GYS1: variants seen among roughly 807,000 people sequenced by gnomAD.
GYS1 encodes glycogen [starch] synthase, muscle.
In GYS1, 60 loss-of-function variants were observed where a neutral mutation model predicts 89.1. The ratio of observed to expected loss-of-function variants is 0.67; its 90% CI spans 0.55 to 0.84. The LOEUF (loss-of-function observed/expected upper bound fraction) is 0.84, where lower values mean the gene tolerates loss of function less well. GYS1 is among the 40% of genes least tolerant of loss of function. The pLI is 0.00. For synonymous variants in GYS1, 366 were observed against 401.7 expected, an observed-to-expected ratio of 0.91 and a Z score of 1.06; for missense variants, 888 against 1,003.1, an observed-to-expected ratio of 0.89 and a Z score of 1.55.
intron 10 of GYS1, among the ~76,000 whole-genome samples, 180 bp downstream of exon 10, chr19:48,977,744 G>A (rs2038680175): frequency 6.6e-6 from 1 of 152,142 alleles, no homozygotes; most frequent in Non-Finnish European, 1.5e-5. Context: ...CTCGCCTCCA[G>A]CAACTGAAGT....
Position 48,981,991 on chromosome 19 carries a change from C to T in GYS1, c.1062+264G>A, listed in dbSNP as rs540576907. 1.6e-4 allele frequency among the ~76,000 whole-genome samples: 24 copies of T among 152,082 alleles called. 1 individual carries two copies. Among genetic ancestry groups the T allele is most frequent in the Non-Finnish European group, 2.9e-4 (20 of 68,024 alleles). On this transcript the variant is annotated intron_variant, in intron 7 of 15. Transcript: ENST00000323798. ...CACTGCAACCTCCACCTCCCGGGCT[C>T]GCGTGATCCTCCCCGTTCACCCTCC...
chr19:48,983,399 C>G (rs1159100847), intron 5 of GYS1, among the ~76,000 whole-genome samples: 2 of 152,164 alleles, frequency 1.3e-5, no homozygotes, highest in Admixed American at 6.5e-5. Context: ...CTGCAAATGG[C>G]TAACAGGGAT....
chr19:48,992,217 C>A (rs1050493668), intron 1 of GYS1, among the ~76,000 whole-genome samples: 3 of 152,114 alleles, frequency 2.0e-5, no homozygotes, highest in East Asian at 3.9e-4. Context: ...AGCAAAGCAA[C>A]CCCCCAGACC....
chr19:48,983,559 T>G (rs1285106805), intron 5 of GYS1, among the ~76,000 whole-genome samples: 3 of 152,200 alleles, frequency 2.0e-5, no homozygotes, highest in African/African-American at 7.2e-5. Context: ...CCCAATCATT[T>G]CTTCTCCTCA....
chr19:48,976,125 G>A (rs993363743), intron 10 of GYS1, among the ~76,000 whole-genome samples: 5 of 151,836 alleles, frequency 3.3e-5, no homozygotes, highest in Admixed American at 3.3e-4. Context: ...CTGAGTCTAG[G>A]GGCCCGAGAA....
chr19:48,982,508 TC>T, intron 6 of GYS1, 133 bp from the exon 7 acceptor site: 1 of 995,328 alleles, frequency 1.0e-6, no homozygotes, highest in Non-Finnish European at 1.6e-6. Flanking sequence ...TCACGGGGCC[TC>T]CTGGGAGTTG....
intron 4 of GYS1, 117 bp downstream of exon 4, chr19:48,985,732 TG>T: frequency 1.3e-6 from 2 of 1,497,222 alleles, no homozygotes; most frequent in Non-Finnish European, 9.3e-7. Flanking sequence ...AGGAGGGGTC[TG>T]GGGACTTGGA....
At chr19:48,987,518 A>G (rs888180775) in intron 2 of GYS1, 133 bp from the exon 3 acceptor site, 135 of 641,454 alleles carry the variant, frequency 2.1e-4, no homozygotes, top group African/African-American at 2.0e-3. Context: ...TTCTGTTTCC[A>G]TATCTGCTGC....
chr19:48,978,386 C>T (rs1003977820), intron 8 of GYS1, among the ~76,000 whole-genome samples: 83 of 151,596 alleles, frequency 5.5e-4, no homozygotes, highest in African/African-American at 1.9e-3. Context: ...CCACCGCGCC[C>T]GGCTAATTTT....
In GYS1 at chr19:48,970,680, T is replaced by G; in HGVS notation, c.1675A>C (p.Ser559Arg). 6.2e-7 allele frequency: 1 copy of G among 1,613,970 alleles called. No homozygotes were observed. Among genetic ancestry groups the G allele is most frequent in the Non-Finnish European group, 8.5e-7 (1 of 1,179,988 alleles). Residue 559 changes from serine (S) to arginine (R), a missense_variant, in exon 14 of 16, where the codon AGC (serine) becomes CGC (arginine). Coordinates refer to ENST00000323798, the MANE Select transcript of GYS1 (RefSeq NM_002103.5). ...AGCTGCGAGCAGGAATCATCCAGGC[T>G]GCGGAACCGCCGGTCAAGAATGTAG... ...GIYILDRRFR[S>R]LDDSCSQLTS... is the part of the protein sequence containing the mutation.
At chr19:48,981,475 C>T (rs1305817573) in intron 8 of GYS1, 55 bp downstream of exon 8, 2 of 940,992 alleles carry the variant, frequency 2.1e-6, no homozygotes, top group Non-Finnish European at 3.5e-6. Context: ...ACACAGGACC[C>T]AAAGCATGCA....
chr19:48,979,393 T>C (rs1026624651), intron 8 of GYS1, among the ~76,000 whole-genome samples: 1 of 134,938 alleles, frequency 7.4e-6, no homozygotes, highest in Non-Finnish European at 1.6e-5. Context: ...AGAGTCTTGC[T>C]CTGTCGCCCA....
In GYS1 at chr19:48,969,322, C is replaced by T; in HGVS notation, c.2180G>A (p.Ser727Asn). Residue 727 changes from serine (S) to asparagine (N), a missense_variant, in exon 16 of 16, where the codon AGC becomes AAC. Coordinates refer to ENST00000323798, the MANE Select transcript of GYS1 (RefSeq NM_002103.5). ...SSLSTPSEPL[S>N]PTSSLGEERN ...CTCCTCGCCCAGGGAGCTGGTGGGG[C>T]TGAGGGGCTCGCTCGGGGTGCTGAG... 1 of 1,581,602 alleles carries T rather than the reference C, an allele frequency of 6.3e-7. No individual in the cohort carries two copies.
chr19:48,982,208 A>G (rs2038775225), intron 7 of GYS1, 47 bp downstream of exon 7: 2 of 1,605,282 alleles, frequency 1.2e-6, no homozygotes, highest in Non-Finnish European at 1.7e-6. Flanking sequence ...CCCTAGTTAT[A>G]AACTGCTTTG....
chr19:48,970,825 C>T, intron 13 of GYS1, 103 bp downstream of exon 13: 1 of 1,378,438 alleles, frequency 7.3e-7, no homozygotes, highest in Non-Finnish European at 1.0e-6. Flanking sequence ...CCCCCATTTC[C>T]TGGTGCCCCT....
rs954796230 is a variant in GYS1 at position 48,987,249 on chromosome 19, C to T, written c.437G>A (p.Arg146His). 5.0e-6 allele frequency: 8 copies of T among 1,613,352 alleles called. No individual in the cohort carries two copies. Among genetic ancestry groups the T allele is most frequent in the African/African-American group, 1.3e-5 (1 of 74,896 alleles). The change falls in exon 3 of 16, where the codon CGC becomes CAC. Residue 146 changes from arginine to histidine, a missense_variant. By Grantham distance (29) the Arg-to-His change is conservative (BLOSUM62 0). Coordinates refer to ENST00000323798, the MANE Select transcript of GYS1 (RefSeq NM_002103.5). The stretch of plus-strand genomic sequence containing the variant: ...AAAGAGGACAGCGTCGTTGGCCTCG[C>T]GGTCGTACCACGGCACTCCGATGTT... The part of the protein sequence containing the change: ...TCNIGVPWYD[R>H]EANDAVLFGF...
intron 12 of GYS1, among the ~76,000 whole-genome samples, chr19:48,971,307 G>T (rs1224515905): frequency 6.6e-6 from 1 of 152,170 alleles, no homozygotes; most frequent in East Asian, 1.9e-4. Flanking sequence ...ATATCCATTT[G>T]ACTTAACTCT....
Position 48,974,263 on chromosome 19 carries a change from C to T in GYS1, c.1499G>A (p.Cys500Tyr). The change falls in exon 12 of 16, where the codon TGT becomes TAT. Residue 500 changes from cysteine (C) to tyrosine (Y), a missense_variant. Physicochemically the swap from Cys to Tyr is radical, Grantham distance 194 (BLOSUM62 -2). Transcript: ENST00000323798. ...PVDYEEFVRGCHLGVFPSYYE... is the reference protein window; with the variant it reads ...PVDYEEFVRGYHLGVFPSYYE... ...GTAGGAGGGGAAGACTCCAAGGTGA[C>T]AGCCACGGACAAACTCCTCATAGTC... The T allele has an allele frequency of 6.2e-7, 1 of 1,613,584 alleles. No individual in the cohort carries two copies. Among genetic ancestry groups the T allele is most frequent in the Non-Finnish European group, 8.5e-7 (1 of 1,179,782 alleles).
intron 1 of GYS1, among the ~76,000 whole-genome samples, chr19:48,992,579 G>A (rs2038953960): frequency 7.7e-6 from 1 of 129,482 alleles, no homozygotes; most frequent in Admixed American, 7.7e-5. Context: ...CTCCCAGTCA[G>A]CTCTCTCTCA....
Sources: gnomAD v4.1 joint callset for allele counts (sites outside exome capture counted in the v4.1 genomes callset) on GRCh38, gnomAD v4.1.1 for gene constraint, MANE v1.5 for transcripts, NCBI Gene and HGNC (gene_info 2026-07-23, HGNC 2026-07-21) for gene names.